Variants in HPSE2 observed in about 807,000 individuals in gnomAD.
HPSE2 encodes heparanase 2 (inactive).
Under a neutral mutation model 60.5 loss-of-function variants are expected in HPSE2, and 38 were observed. The ratio of observed to expected loss-of-function variants is 0.63; its 90% CI spans 0.48 to 0.82. HPSE2 has a LOEUF of 0.82. Among genes scored for constraint, HPSE2 ranks in the 40% least tolerant of loss-of-function variants. The pLI, the probability that HPSE2 is intolerant of heterozygous loss-of-function variation, is 0.00. For synonymous variants in HPSE2, 295 were observed against 293.2 expected (o/e 1.01, Z -0.06); for missense variants, 713 against 740.4 (o/e 0.96, Z 0.43).
At chr10:98,860,397 G>T (rs923925867) in intron 3 of HPSE2, among the ~76,000 whole-genome samples, 6 of 152,028 alleles carry the variant, frequency 3.9e-5, no homozygotes, top group African/African-American at 1.4e-4. Context: ...TTCTACCTTT[G>T]CTCATGCTGT....
chr10:99,086,527 T>A (rs1843327606), intron 3 of HPSE2, among the ~76,000 whole-genome samples: 1 of 151,062 alleles, frequency 6.6e-6, no homozygotes, highest in Non-Finnish European at 1.5e-5. Flanking sequence ...TAATTTTTTG[T>A]ATTTTTAGTA....
At chr10:99,049,427 A>G (rs1367714130) in intron 3 of HPSE2, among the ~76,000 whole-genome samples, 1 of 152,138 alleles carries the variant, frequency 6.6e-6, no homozygotes, top group Non-Finnish European at 1.5e-5. Context: ...AAGCTCAAGA[A>G]CCCCAAGTAA....
chr10:98,549,419 G>T (rs1468173272), intron 9 of HPSE2, among the ~76,000 whole-genome samples: 2 of 151,760 alleles, frequency 1.3e-5, no homozygotes, highest in Non-Finnish European at 2.9e-5. Flanking sequence ...CTTTCCTCTG[G>T]CCTCCTTCAG....
At chr10:98,865,716 G>T (rs1564619906) in intron 3 of HPSE2, among the ~76,000 whole-genome samples, 2 of 152,192 alleles carry the variant, frequency 1.3e-5, no homozygotes, top group Non-Finnish European at 1.5e-5. Flanking sequence ...TCATCTGAAA[G>T]TTATAAGGAA....
chr10:99,239,468 C>T (rs910379719), upstream of HPSE2, among the ~76,000 whole-genome samples: 1 of 116,270 alleles, frequency 8.6e-6, no homozygotes, highest in African/African-American at 3.3e-5. Flanking sequence ...CTCGCTCTGT[C>T]GCCCAGGTTG....
chr10:99,102,408 T>C (rs1474761133), intron 3 of HPSE2, among the ~76,000 whole-genome samples: 1 of 152,058 alleles, frequency 6.6e-6, no homozygotes, highest in African/African-American at 2.4e-5. Flanking sequence ...CCTGGACACA[T>C]ACACCCTCCC....
chr10:98,956,375 G>A (rs1202333229), intron 3 of HPSE2, among the ~76,000 whole-genome samples: 1 of 152,160 alleles, frequency 6.6e-6, no homozygotes, highest in Non-Finnish European at 1.5e-5. Flanking sequence ...TGTTAAATTG[G>A]TTTGGAATAA....
chr10:98,490,081 C>T lies in HPSE2; in HGVS notation c.1436G>A (p.Arg479Lys). 6.2e-7 allele frequency: 1 copy of T among 1,614,176 alleles called. No homozygotes were observed. The change falls in exon 10 of 12, where the codon AGG becomes AAG. Residue 479 changes from arginine to lysine, a missense_variant. Coordinates refer to ENST00000370552, the MANE Select transcript of HPSE2 (RefSeq NM_021828.5). ...GTGGTTTGTGCAGTGAGCATAAATCCTTAGTTTGTCCCGGATCACTCGGCC... is the reference window on the plus strand; with the variant it reads ...GTGGTTTGTGCAGTGAGCATAAATCTTTAGTTTGTCCCGGATCACTCGGCC... ...RPGRVIRDKL[R>K]IYAHCTNHHN...
intron 9 of HPSE2, among the ~76,000 whole-genome samples, chr10:98,608,801 C>A (rs1166419292): frequency 2.6e-5 from 4 of 152,144 alleles, no homozygotes; most frequent in African/African-American, 9.7e-5. Flanking sequence ...CTTTCATCTT[C>A]CTGATGGCTC....
At chr10:98,607,233 A>G (rs1945619126) in intron 9 of HPSE2, among the ~76,000 whole-genome samples, 1 of 152,026 alleles carries the variant, frequency 6.6e-6, no homozygotes, top group African/African-American at 2.4e-5. Flanking sequence ...ACGTTGCTTC[A>G]AGGATGGCAA....
intron 3 of HPSE2, among the ~76,000 whole-genome samples, chr10:99,032,547 G>A (rs534359707): frequency 2.4e-4 from 37 of 152,032 alleles, no homozygotes; most frequent in East Asian, 7.7e-4. Context: ...AACCTATAGC[G>A]GATGAACATA....
intron 3 of HPSE2, among the ~76,000 whole-genome samples, chr10:98,967,111 G>A (rs1030516068): frequency 6.6e-6 from 1 of 152,146 alleles, no homozygotes; most frequent in Admixed American, 6.5e-5. Context: ...GACTCCAAAC[G>A]GTTTTTTTCC....
chr10:98,946,747 G>T (rs562699251), intron 3 of HPSE2, among the ~76,000 whole-genome samples: 51 of 152,054 alleles, frequency 3.4e-4, no homozygotes, highest in Middle Eastern at 3.4e-3. Flanking sequence ...ATGTAAAGAG[G>T]CAGTATTAAG....
chr10:99,185,655 T>A (rs1415032189), intron 2 of HPSE2, among the ~76,000 whole-genome samples: 2 of 151,568 alleles, frequency 1.3e-5, no homozygotes, highest in Non-Finnish European at 2.9e-5. Flanking sequence ...GTGTCTTTAG[T>A]CCCAGCTACT....
intron 9 of HPSE2, among the ~76,000 whole-genome samples, chr10:98,567,079 C>A (rs769300924): frequency 6.6e-6 from 1 of 152,126 alleles, no homozygotes; most frequent in Non-Finnish European, 1.5e-5. Context: ...TTGTGAAATG[C>A]AGATTCCTAA....
intron 2 of HPSE2, among the ~76,000 whole-genome samples, chr10:99,211,541 C>T (rs373451843): frequency 1.1e-4 from 16 of 152,046 alleles, no homozygotes; most frequent in East Asian, 7.7e-4. Flanking sequence ...AGAACCGAGA[C>T]GCCAGAAATG....
intron 9 of HPSE2, among the ~76,000 whole-genome samples, chr10:98,518,318 T>G (rs1342078308): frequency 6.6e-6 from 1 of 152,130 alleles, no homozygotes; most frequent in Non-Finnish European, 1.5e-5. Context: ...TAATTAGAAG[T>G]TAGATGTGGA....
chr10:98,682,334 C>T (rs1207740959), intron 6 of HPSE2, among the ~76,000 whole-genome samples: 1 of 152,222 alleles, frequency 6.6e-6, no homozygotes, highest in African/African-American at 2.4e-5. Flanking sequence ...AATGCTTGTA[C>T]AACCTGCAGA....
At chr10:99,127,252 T>C (rs1224968339) in intron 3 of HPSE2, among the ~76,000 whole-genome samples, 3 of 151,802 alleles carry the variant, frequency 2.0e-5, no homozygotes, top group East Asian at 1.9e-4. Context: ...AAGAACAATA[T>C]GGAATATGGA....
Sources: allele counts gnomAD v4.1 joint callset (sites outside exome capture counted in the v4.1 genomes callset), GRCh38; gene constraint gnomAD v4.1.1; transcripts MANE v1.5; gene names NCBI Gene and HGNC (gene_info 2026-07-23, HGNC 2026-07-21).